ERBB4: variants seen among roughly 807,000 people sequenced by gnomAD.
The protein encoded by ERBB4 is erb-b2 receptor tyrosine kinase 4, also known as receptor tyrosine-protein kinase erbB-4.
A neutral mutation model predicts 158.0 loss-of-function variants in ERBB4; 42 were observed. That is an observed-to-expected ratio of 0.27 (90% confidence interval 0.21 to 0.34). The LOEUF (loss-of-function observed/expected upper bound fraction) is 0.34, where lower values mean the gene tolerates loss of function less well. Ranked by LOEUF, ERBB4 falls within the 10% of genes least tolerant of loss-of-function variation. The pLI, the probability that ERBB4 is intolerant of heterozygous loss-of-function variation, is 1.00. For synonymous variants in ERBB4, 583 were observed against 558.7 expected (o/e 1.04, Z -0.61); for missense variants, 1,333 against 1,624.1 (o/e 0.82, Z 3.08).
chr2:212,366,901 A>C (rs981846382), intron 1 of ERBB4, among the ~76,000 whole-genome samples: 5 of 152,016 alleles, frequency 3.3e-5, no homozygotes, highest in African/African-American at 4.8e-5. Context: ...TTGATAAATG[A>C]TCTCTCTATG....
At chr2:211,751,495 T>C (rs1217461866) in intron 4 of ERBB4, among the ~76,000 whole-genome samples, 1 of 152,162 alleles carries the variant, frequency 6.6e-6, no homozygotes, top group African/African-American at 2.4e-5. Context: ...ATTTTTAGAA[T>C]AAAATATAGA....
At chr2:211,573,112 C>T (rs1295436476) in intron 19 of ERBB4, among the ~76,000 whole-genome samples, 1 of 151,948 alleles carries the variant, frequency 6.6e-6, no homozygotes, top group East Asian at 1.9e-4. Flanking sequence ...GTTCTATATC[C>T]TTATAAAAGA....
In ERBB4 at chr2:211,405,451, C is replaced by T. The variant is rs549637868; in HGVS notation, c.3135+14990G>A. ...CTTTTCTACAAATGTGTTGGACATA[C>T]CTTCCCCTAACTCCTCCCAGAGTTT... On this transcript the variant is annotated intron_variant, in intron 25 of 27. Coordinates refer to ENST00000342788, the MANE Select transcript of ERBB4 (RefSeq NM_005235.3). Among the ~76,000 whole-genome samples, 79 of 152,240 alleles carry T rather than the reference C, an allele frequency of 5.2e-4. 1 individual carries two copies. The highest frequency in any genetic ancestry group is 1.2e-3 in the South Asian group (6 of 4,826).
intron 16 of ERBB4, among the ~76,000 whole-genome samples, chr2:211,656,636 C>T (rs2071229045): frequency 6.6e-6 from 1 of 152,192 alleles, no homozygotes; most frequent in Non-Finnish European, 1.5e-5. Flanking sequence ...TTCCAGTCAA[C>T]CTTATCCTCC....
At position 212,355,817 on chromosome 2, in the gene ERBB4, A is replaced by AGT. The variant is rs1016262504; in HGVS notation, c.82+182630_82+182631dup. Among the ~76,000 whole-genome samples the AGT allele has an allele frequency of 4.2e-4, 64 of 151,832 alleles. 1 individual carries two copies. The highest frequency in any genetic ancestry group is 9.2e-4 in the Admixed American group (14 of 15,192). On this transcript the variant is annotated intron_variant, in intron 1 of 27. Transcript: ENST00000342788. ...GTATGTATATATGTGTGTATGTGTG[A>AGT]GTGTGTATATATATGTGTATATATA...
intron 1 of ERBB4, among the ~76,000 whole-genome samples, chr2:212,181,810 A>G (rs1240593004): frequency 6.6e-6 from 1 of 151,804 alleles, no homozygotes; most frequent in Non-Finnish European, 1.5e-5. Flanking sequence ...TCAAGTTCCT[A>G]AGAGTGAGGC....
At chr2:212,022,186 A>C (rs2076668787) in intron 2 of ERBB4, among the ~76,000 whole-genome samples, 1 of 152,210 alleles carries the variant, frequency 6.6e-6, no homozygotes, top group Non-Finnish European at 1.5e-5. Context: ...TACTGGGAAT[A>C]TACTCAAAGG....
At chr2:212,340,047 C>CTT (rs11381212) in intron 1 of ERBB4, among the ~76,000 whole-genome samples, 19,009 of 146,572 alleles carry the variant, frequency 0.13, 1,631 homozygotes, top group Non-Finnish European at 0.19. Context: ...AATTAATATT[C>CTT]TTTTTTTTTT....
At chr2:211,847,632 A>ATT (rs68030727) in intron 3 of ERBB4, among the ~76,000 whole-genome samples, 2 of 100,360 alleles carry the variant, frequency 2.0e-5, no homozygotes, top group Non-Finnish European at 2.2e-5. Context: ...AAACATTATG[A>ATT]TTTTTTTTTG....
At chr2:211,475,293 A>T (rs527487979) in intron 20 of ERBB4, among the ~76,000 whole-genome samples, 1 of 152,182 alleles carries the variant, frequency 6.6e-6, no homozygotes, top group South Asian at 2.1e-4. Context: ...TGCATTCAGT[A>T]TTGTTATAAA....
chr2:211,630,279 C>T (rs1407882679), intron 17 of ERBB4, among the ~76,000 whole-genome samples, 183 bp downstream of exon 17: 2 of 152,156 alleles, frequency 1.3e-5, no homozygotes, highest in African/African-American at 4.8e-5. Flanking sequence ...CCCCTTGAAG[C>T]CTTGACTATT....
intron 19 of ERBB4, among the ~76,000 whole-genome samples, chr2:211,583,783 GTTATTTTTTGTCAA>G (rs1306566087): frequency 2.6e-5 from 4 of 151,360 alleles, no homozygotes; most frequent in African/African-American, 4.8e-5. Context: ...GGTCACAGTA[GTTATTTTTTGTCAA>G]TTATTTTTTG....
intron 3 of ERBB4, among the ~76,000 whole-genome samples, chr2:211,795,951 A>G (rs1350442560): frequency 6.6e-6 from 1 of 151,972 alleles, no homozygotes; most frequent in Non-Finnish European, 1.5e-5. Flanking sequence ...GAAACCTCGC[A>G]TCTTCTGGAT....
intron 2 of ERBB4, among the ~76,000 whole-genome samples, chr2:212,122,936 A>T (rs2079801959): frequency 6.6e-6 from 1 of 152,250 alleles, no homozygotes; most frequent in African/African-American, 2.4e-5. Context: ...GCATTTTAAA[A>T]TTTTTCTATT....
chr2:211,852,102 T>C (rs2077734570), intron 3 of ERBB4, among the ~76,000 whole-genome samples: 1 of 151,970 alleles, frequency 6.6e-6, no homozygotes. Context: ...CTCTTATCAT[T>C]CTATGTCAGT....
At position 211,722,575 on chromosome 2, in the gene ERBB4, C is replaced by T. The variant is rs758448680; in HGVS notation, c.742-41G>A. ...TATTACTTTCATTTACAAATAAACT[C>T]ATAATACTTGTTAATGAAACGCTGC... On this transcript the variant is annotated intron_variant, in intron 6 of 27. Transcript: ENST00000342788. The T allele has an allele frequency of 1.1e-5, 18 of 1,600,140 alleles. No individual in the cohort carries two copies. The East Asian group carries it at 3.8e-4, about 34-fold the overall frequency.
intron 2 of ERBB4, among the ~76,000 whole-genome samples, chr2:212,003,914 AG>A (rs1250069170): frequency 6.6e-6 from 1 of 152,182 alleles, no homozygotes; most frequent in African/African-American, 2.4e-5. Context: ...ATGCAATAAA[AG>A]TCTCTATATC....
At chr2:212,120,231 T>C (rs1352707289) in intron 2 of ERBB4, among the ~76,000 whole-genome samples, 1 of 152,208 alleles carries the variant, frequency 6.6e-6, no homozygotes, top group Admixed American at 6.5e-5. Flanking sequence ...AGACAAAAGA[T>C]GGCTGTGTGG....
intron 2 of ERBB4, among the ~76,000 whole-genome samples, chr2:211,987,528 T>G (rs1322512580): frequency 6.6e-6 from 1 of 151,618 alleles, no homozygotes; most frequent in Non-Finnish European, 1.5e-5. Flanking sequence ...GAGAGAGAAA[T>G]TTAATGAAGG....
Sources: gnomAD v4.1 joint callset for allele counts (sites outside exome capture counted in the v4.1 genomes callset) on GRCh38, gnomAD v4.1.1 for gene constraint, MANE v1.5 for transcripts, NCBI Gene and HGNC (gene_info 2026-07-23, HGNC 2026-07-21) for gene names.